EFNA2: variants seen among roughly 807,000 people sequenced by gnomAD.
The protein encoded by EFNA2 is ephrin-A2.
EFNA2 carries 18 observed loss-of-function variants against 19.7 expected under a neutral mutation model. That is an observed-to-expected ratio of 0.91 (90% CI 0.63 to 1.35). The LOEUF (loss-of-function observed/expected upper bound fraction) is 1.35, where lower values mean the gene tolerates loss of function less well. EFNA2 is among the 40% of genes most tolerant of loss of function. The pLI, the probability that EFNA2 is intolerant of heterozygous loss-of-function variation, is 0.00. For missense variants in EFNA2, 303 were observed against 296.0 expected (o/e 1.02, Z -0.17); for synonymous variants, 187 against 137.8 (o/e 1.36, Z -2.50).
At chr19:1,299,188 A>G (rs916775702) in intron 3 of EFNA2, among the ~76,000 whole-genome samples, 2 of 152,214 alleles carry the variant, frequency 1.3e-5, no homozygotes, top group Non-Finnish European at 2.9e-5. Flanking sequence ...CAGTGAGCCC[A>G]GATTGCGCCA....
In EFNA2 at chr19:1,297,560, C is replaced by T. The variant is rs2081521431; in HGVS notation, c.455-991C>T. On this transcript the variant is annotated intron_variant, in intron 2 of 3. Transcript: ENST00000215368. This position sits in a 1 kb window ranked among gnomAD's most constrained non-coding sequence, Gnocchi z 5.0. ...AGGCCATCAGGGGCCCAGGGCCCGG[C>T]AGAGACAGCAAGACCACATCCATGT... Among the ~76,000 whole-genome samples the T allele has an allele frequency of 6.6e-6, 1 of 152,088 alleles. No individual in the cohort carries two copies. The highest frequency in any genetic ancestry group is 2.4e-5 in the African/African-American group (1 of 41,406).
chr19:1,291,547 G>A (rs1483920885), intron 1 of EFNA2, among the ~76,000 whole-genome samples: 2 of 152,052 alleles, frequency 1.3e-5, no homozygotes, highest in African/African-American at 4.8e-5. Context: ...TCAGGACCCG[G>A]GCTGCCTGCT....
At position 1,287,665 on chromosome 19, in the gene EFNA2, G is replaced by A. The variant is rs931266183; in HGVS notation, c.140+1357G>A. On this transcript the variant is annotated intron_variant, in intron 1 of 3. Transcript: ENST00000215368. The surrounding 1 kb of genome is among the most constrained non-coding windows in gnomAD (Gnocchi z 6.2). ...CTGGGGGCTGAGGGCAGGGACCCCG[G>A]GCCGCTGGGGGACGGCTGGCCCACC... Among the ~76,000 whole-genome samples the A allele has an allele frequency of 2.6e-5, 4 of 152,186 alleles. No individual in the cohort carries two copies. Among genetic ancestry groups the A allele is most frequent in the Non-Finnish European group, 4.4e-5 (3 of 68,010 alleles).
intron 1 of EFNA2, among the ~76,000 whole-genome samples, chr19:1,293,756 C>T (rs11883028): frequency 0.042 from 6,379 of 152,318 alleles, 165 homozygotes; most frequent in African/African-American, 0.066. Context: ...TCACCGCCTC[C>T]GCCGCCCTGC....
In EFNA2 at chr19:1,298,614, C is replaced by A. The variant is rs369054250; in HGVS notation, c.518C>A (p.Thr173Asn). The A allele has an allele frequency of 2.0e-5, 32 of 1,613,840 alleles. No homozygotes were observed. The African/African-American group carries it at 3.3e-4, about 17-fold the overall frequency. The change falls in exon 3 of 4, where the codon ACC becomes AAC. Residue 173 changes from threonine to asparagine, a missense_variant and splice_region_variant. Physicochemically the swap from Thr to Asn is moderately conservative, Grantham distance 65. Coordinates refer to ENST00000215368, the MANE Select transcript of EFNA2 (RefSeq NM_001405.4). ...CGACTGAAGGTGTACGTGCGGCCGA[C>A]CAGTAAGTGCTCAGGGGGATGGGCA... ...CLRLKVYVRP[T>N]NETLYEAPEP...
At position 1,286,262 on chromosome 19, in the gene EFNA2, G is replaced by C; in HGVS notation, c.94G>C (p.Ala32Pro). 8.9e-7 allele frequency: 1 copy of C among 1,124,350 alleles called. No individual in the cohort carries two copies. The highest frequency in any genetic ancestry group is 1.1e-6 in the Non-Finnish European group (1 of 904,932). 69.6% of individuals were successfully genotyped at this position (1,124,350 alleles called of 1,614,324 possible). Residue 32 changes from alanine to proline, a missense_variant, in exon 1 of 4, where the codon GCC becomes CCC. By Grantham distance (27) the Ala-to-Pro change is conservative. Coordinates refer to ENST00000215368, the MANE Select transcript of EFNA2 (RefSeq NM_001405.4). The surrounding 1 kb of genome is among the most constrained non-coding windows in gnomAD (Gnocchi z 5.6). ...PFARAEDAARANSDRYAVYWN... is the reference protein window; with the variant it reads ...PFARAEDAARPNSDRYAVYWN... ...CGCGCGCGCCGAGGACGCCGCCCGCGCCAACTCGGACCGCTACGCCGTCTA... is the reference window on the plus strand; with the variant it reads ...CGCGCGCGCCGAGGACGCCGCCCGCCCCAACTCGGACCGCTACGCCGTCTA...
chr19:1,301,268 C>G lies in EFNA2; in HGVS notation c.*1323C>G, dbSNP rs1240919559. 7.6e-6 allele frequency among the ~76,000 whole-genome samples: 1 copy of G among 132,170 alleles called. No homozygotes were observed. The highest frequency in any genetic ancestry group is 1.6e-5 in the Non-Finnish European group (1 of 64,124). 86.7% of individuals were successfully genotyped at this position (132,170 alleles called of 152,430 possible). A position where few individuals can be genotyped will look rare whatever the true frequency, so the allele number is the denominator to read the frequency against. ...TGTGTACGGCCGCCGGCCGGCGGCT[C>G]GAGGCACGCCCGGTGGTGGGGGGTG... On this transcript the variant is annotated 3_prime_UTR_variant, in exon 4 of 4. Transcript: ENST00000215368.
At chr19:1,289,973 G>C (rs543004055) in intron 1 of EFNA2, among the ~76,000 whole-genome samples, 2 of 152,266 alleles carry the variant, frequency 1.3e-5, no homozygotes, top group South Asian at 4.1e-4. Context: ...CGGTGGGCCT[G>C]GGGGATTCGG....
At position 1,301,155 on chromosome 19, in the gene EFNA2, G is replaced by A. The variant is rs1213112873; in HGVS notation, c.*1210G>A. The stretch of plus-strand genomic sequence containing the variant: ...AACTCCTCCCCGAAGACACTTTAAT[G>A]AAGGAAACAACACATTTATACGGAT... On this transcript the variant is annotated 3_prime_UTR_variant, in exon 4 of 4. Transcript: ENST00000215368. Among the ~76,000 whole-genome samples the A allele has an allele frequency of 1.3e-5, 2 of 150,134 alleles. No individual in the cohort carries two copies. Among genetic ancestry groups the A allele is most frequent in the East Asian group, 3.9e-4 (2 of 5,150 alleles).
chr19:1,298,475 G>C, intron 2 of EFNA2, 76 bp from the exon 3 acceptor site: 1 of 1,492,124 alleles, frequency 6.7e-7, no homozygotes, highest in African/African-American at 1.4e-5. Flanking sequence ...ACCAAGGTGG[G>C]GAAGGGAGTA....
chr19:1,290,844 G>T (rs1053140428), intron 1 of EFNA2, among the ~76,000 whole-genome samples: 10 of 152,186 alleles, frequency 6.6e-5, no homozygotes, highest in African/African-American at 2.4e-4. Context: ...CAGACGAGCC[G>T]GCGGGGTTTT....
chr19:1,289,113 T>G (rs887026519), intron 1 of EFNA2, among the ~76,000 whole-genome samples: 2 of 152,210 alleles, frequency 1.3e-5, no homozygotes, highest in Admixed American at 1.3e-4. Context: ...GCAGGTTACA[T>G]GTGTCTGTGT....
At position 1,294,089 on chromosome 19, in the gene EFNA2, C is replaced by T. The variant is rs372349526; in HGVS notation, c.141-1456C>T. Among the ~76,000 whole-genome samples, 1 of 152,266 alleles carries T rather than the reference C, an allele frequency of 6.6e-6. No individual in the cohort carries two copies. The highest frequency in any genetic ancestry group is 2.4e-5 in the African/African-American group (1 of 41,472). On this transcript the variant is annotated intron_variant, in intron 1 of 3. Transcript: ENST00000215368. This position sits in a 1 kb window ranked among gnomAD's most constrained non-coding sequence, Gnocchi z 5.8. Reference sequence around the variant, plus strand: ...GATCGTAGCAGCCTGCACCCATGTGCTGCCAACACTGGTGGGGCCTCAGTT... The same window carrying T: ...GATCGTAGCAGCCTGCACCCATGTGTTGCCAACACTGGTGGGGCCTCAGTT...
upstream of EFNA2, among the ~76,000 whole-genome samples, chr19:1,285,275 G>A (rs1002931897): frequency 1.3e-5 from 2 of 152,158 alleles, no homozygotes; most frequent in African/African-American, 4.8e-5. The surrounding 1 kb of genome is among the most constrained non-coding windows in gnomAD (Gnocchi z 4.1). Context: ...TGTCGGCCGG[G>A]GCTTCACTCT....
At chr19:1,298,135 G>A (rs1367962428) in intron 2 of EFNA2, among the ~76,000 whole-genome samples, 3 of 150,260 alleles carry the variant, frequency 2.0e-5, no homozygotes, top group African/African-American at 7.4e-5. Context: ...GTTGCCAGGC[G>A]AGGTCCAGAG....
upstream of EFNA2, among the ~76,000 whole-genome samples, chr19:1,285,052 A>G (rs1050405706): frequency 1.4e-4 from 21 of 152,236 alleles, no homozygotes; most frequent in Non-Finnish European, 2.8e-4. The surrounding 1 kb of genome is among the most constrained non-coding windows in gnomAD (Gnocchi z 4.1). Flanking sequence ...GTTCAAGACC[A>G]GCGTGGCCAA....
intron 3 of EFNA2, 59 bp from the exon 4 acceptor site, chr19:1,299,765 C>A: frequency 6.5e-7 from 1 of 1,533,240 alleles, no homozygotes; most frequent in South Asian, 1.2e-5. Context: ...GCGGGCGGCA[C>A]GTGGGGAGCC....
Position 1,300,071 on chromosome 19 carries a change from TGGTGCCGCCCCCGCCGGGCAG to T in EFNA2, c.*129_*149del, listed in dbSNP as rs2081533911. ...ATAGAGACGCTGCTTCTCCCTCGCC[TGGTGCCGCCCCCGCCGGGCAG>T]GGGCCATCCACCCGCCCCAGGACCA... On this transcript the variant is annotated 3_prime_UTR_variant, in exon 4 of 4. Transcript: ENST00000215368. 1.5e-6 allele frequency: 2 copies of T among 1,318,058 alleles called. No individual in the cohort carries two copies. The highest frequency in any genetic ancestry group is 2.0e-6 in the Non-Finnish European group (2 of 1,001,530). The allele number at this position is 1,318,058 out of a possible 1,614,324, so 81.6% of individuals were successfully genotyped here. A position where few individuals can be genotyped will look rare whatever the true frequency, so the allele number is the denominator to read the frequency against.
At position 1,295,875 on chromosome 19, in the gene EFNA2, C is replaced by A. The variant is rs532558401; in HGVS notation, c.454+17C>A. 3.1e-6 allele frequency: 4 copies of A among 1,277,876 alleles called. 1 individual carries two copies. The South Asian group carries it at 5.5e-5, about 17-fold the overall frequency. 79.2% of individuals were successfully genotyped at this position (1,277,876 alleles called of 1,614,324 possible). The stretch of plus-strand genomic sequence containing the variant: ...ACTACATCTGTGAGTGGGGTCGGGC[C>A]GGGGCTGCCGGGGCCCGAGTGGGCG... On this transcript the variant is annotated intron_variant, in intron 2 of 3. Coordinates refer to ENST00000215368, the MANE Select transcript of EFNA2 (RefSeq NM_001405.4). This position sits in a 1 kb window ranked among gnomAD's most constrained non-coding sequence, Gnocchi z 5.8.
Sources: allele counts gnomAD v4.1 joint callset (sites outside exome capture counted in the v4.1 genomes callset), GRCh38; gene constraint gnomAD v4.1.1; non-coding constraint Gnocchi (gnomAD v3.1); transcripts MANE v1.5; gene names NCBI Gene and HGNC (gene_info 2026-07-23, HGNC 2026-07-21).